ZNF407: variants seen among roughly 807,000 people sequenced by gnomAD.
ZNF407 encodes the protein zinc finger protein 407.
In ZNF407, 17 loss-of-function variants were observed where a neutral mutation model predicts 131.2. The ratio of observed to expected loss-of-function variants is 0.13; its 90% CI spans 0.09 to 0.19. The LOEUF (loss-of-function observed/expected upper bound fraction) is 0.19. Ranked by LOEUF, ZNF407 falls within the 10% of genes least tolerant of loss-of-function variation. The probability of loss-of-function intolerance (pLI) is 1.00; values close to 1 mark genes in which losing one functional copy is unlikely to be tolerated. For synonymous variants in ZNF407, 1,156 were observed against 1,062.0 expected (o/e 1.09, Z -1.72); for missense variants, 2,681 against 2,830.6 (o/e 0.95, Z 1.20).
chr18:74,948,260 A>G (rs554517587), intron 8 of ZNF407, among the ~76,000 whole-genome samples: 4 of 152,096 alleles, frequency 2.6e-5, no homozygotes, highest in Non-Finnish European at 5.9e-5. Context: ...TTTTCACTTT[A>G]TGTGCCATGG....
In ZNF407 at chr18:74,755,771, T is replaced by TTCTTTCTC. The variant is rs1265035731; in HGVS notation, c.4803-25654_4803-25653insTTCTCTCT. Among the ~76,000 whole-genome samples the TTCTTTCTC allele has an allele frequency of 7.0e-4, 91 of 130,572 alleles. 1 individual carries two copies. Among genetic ancestry groups the TTCTTTCTC allele is most frequent in the African/African-American group, 2.7e-3 (80 of 30,102 alleles). 85.7% of individuals were successfully genotyped at this position (130,572 alleles called of 152,430 possible). A position where few individuals can be genotyped will look rare whatever the true frequency, so the allele number is the denominator to read the frequency against. The stretch of plus-strand genomic sequence containing the variant: ...TTTCTTTCTTTCTTTCTTTCTTTCT[T>TTCTTTCTC]TCTCTCTCTCTCTTTCCTTCCTTCT... On this transcript the variant is annotated intron_variant, in intron 3 of 8. Coordinates refer to ENST00000299687, the MANE Select transcript of ZNF407 (RefSeq NM_017757.3).
chr18:75,046,594 G>A (rs556004005), intron 8 of ZNF407, among the ~76,000 whole-genome samples: 66 of 152,152 alleles, frequency 4.3e-4, no homozygotes, highest in Non-Finnish European at 7.1e-4. Flanking sequence ...CAGCTGAATC[G>A]TGACCACCCG....
intron 3 of ZNF407, among the ~76,000 whole-genome samples, chr18:74,689,629 A>G (rs1265083904): frequency 6.6e-6 from 1 of 152,234 alleles, no homozygotes; most frequent in African/African-American, 2.4e-5. Context: ...CAGTGTTGCC[A>G]TTTAATCAAA....
intron 3 of ZNF407, among the ~76,000 whole-genome samples, chr18:74,728,248 A>T (rs1306066782): frequency 6.6e-6 from 1 of 152,224 alleles, no homozygotes; most frequent in African/African-American, 2.4e-5. Context: ...GAAGTCACAG[A>T]TAAACAAATT....
rs1418255817 is a variant in ZNF407, at chr18:74,634,098, C to G, written c.3079C>G (p.His1027Asp). ...NKCLHCEFSAHSSASLELHVK... is the reference protein window; with the variant it reads ...NKCLHCEFSADSSASLELHVK... ...GTGTTTGCACTGTGAGTTTAGTGCT[C>G]ACTCCTCTGCTTCTCTAGAGCTGCA... The change falls in exon 2 of 9, where the codon CAC becomes GAC. Residue 1027 changes from histidine to aspartate, a missense_variant. Physicochemically the swap from His to Asp is moderately conservative, Grantham distance 81. Transcript: ENST00000299687. The G allele has an allele frequency of 6.2e-7, 1 of 1,613,908 alleles. No individual in the cohort carries two copies. Among genetic ancestry groups the G allele is most frequent in the African/African-American group, 1.3e-5 (1 of 74,930 alleles).
chr18:74,721,036 C>T (rs372451694), intron 3 of ZNF407, among the ~76,000 whole-genome samples: 10 of 148,020 alleles, frequency 6.8e-5, no homozygotes, highest in South Asian at 2.2e-4. Context: ...TGAAGAATGT[C>T]GTTGGTATTT....
At chr18:74,689,566 A>C (rs1967173498) in intron 3 of ZNF407, among the ~76,000 whole-genome samples, 1 of 152,194 alleles carries the variant, frequency 6.6e-6, no homozygotes, top group South Asian at 2.1e-4. Flanking sequence ...TATACTCACC[A>C]TTTTATGTTT....
At chr18:75,058,195 T>C (rs1973583536) in intron 8 of ZNF407, among the ~76,000 whole-genome samples, 1 of 152,102 alleles carries the variant, frequency 6.6e-6, no homozygotes, top group Admixed American at 6.6e-5. Context: ...GATGTTGGCT[T>C]CAAGCACGCA....
At chr18:74,972,174 A>G (rs1157116438) in intron 8 of ZNF407, among the ~76,000 whole-genome samples, 1 of 152,166 alleles carries the variant, frequency 6.6e-6, no homozygotes, top group East Asian at 1.9e-4. Flanking sequence ...CAGACAAACC[A>G]TATCACCTCC....
rs75793639 is a variant in ZNF407 at position 74,750,109 on chromosome 18, A to C, written c.4803-31319A>C. Among the ~76,000 whole-genome samples the C allele has an allele frequency of 2.1e-3, 314 of 152,192 alleles. 1 individual carries two copies. Among genetic ancestry groups the C allele is most frequent in the African/African-American group, 7.2e-3 (299 of 41,538 alleles). ...CTCAGACTGGTTTACATTTTCTCACACTTTTCTTCTCTTCCAGGAATATCA... is the reference window on the plus strand; with the variant it reads ...CTCAGACTGGTTTACATTTTCTCACCCTTTTCTTCTCTTCCAGGAATATCA... On this transcript the variant is annotated intron_variant, in intron 3 of 8. Coordinates refer to ENST00000299687, the MANE Select transcript of ZNF407 (RefSeq NM_017757.3).
At chr18:74,645,451 A>G (rs373040993) in intron 3 of ZNF407, among the ~76,000 whole-genome samples, 44 of 152,142 alleles carry the variant, frequency 2.9e-4, no homozygotes, top group African/African-American at 1.0e-3. Context: ...TTGTGTATGG[A>G]GTTAAATAGT....
chr18:74,625,544 A>G (rs1983750935), intron 1 of ZNF407, among the ~76,000 whole-genome samples: 1 of 152,210 alleles, frequency 6.6e-6, no homozygotes, highest in Non-Finnish European at 1.5e-5. Context: ...GTTTTAGACT[A>G]AGCATTAAAA....
At chr18:74,661,106 A>G (rs1333219814) in intron 3 of ZNF407, among the ~76,000 whole-genome samples, 2 of 152,192 alleles carry the variant, frequency 1.3e-5, no homozygotes, top group Non-Finnish European at 2.9e-5. Context: ...ACTGATCACA[A>G]GAAGAATTGT....
intron 4 of ZNF407, among the ~76,000 whole-genome samples, chr18:74,831,449 C>T (rs1474754018): frequency 6.6e-6 from 1 of 152,104 alleles, no homozygotes; most frequent in Non-Finnish European, 1.5e-5. Context: ...TTGCATCTAC[C>T]ATTCTGCTTT....
At chr18:74,622,496 G>A (rs72963749) in intron 1 of ZNF407, among the ~76,000 whole-genome samples, 4 of 151,918 alleles carry the variant, frequency 2.6e-5, no homozygotes, top group African/African-American at 9.7e-5. Context: ...TTCTGGATTC[G>A]TCCTTTTTTT....
chr18:74,712,515 C>T (rs542517886), intron 3 of ZNF407, among the ~76,000 whole-genome samples: 221 of 152,318 alleles, frequency 1.5e-3, no homozygotes, highest in Admixed American at 2.5e-3. Flanking sequence ...TCCAAGTGGT[C>T]ACATCTCCCA....
intron 4 of ZNF407, among the ~76,000 whole-genome samples, chr18:74,787,388 C>T (rs1431541257): frequency 6.6e-6 from 1 of 152,114 alleles, no homozygotes; most frequent in East Asian, 1.9e-4. Context: ...GTTGCTTCGT[C>T]AGCAATGTGT....
At position 74,633,678 on chromosome 18, in the gene ZNF407, T is replaced by C; in HGVS notation, c.2659T>C (p.Tyr887His). 1 of 1,614,000 alleles carries C rather than the reference T, an allele frequency of 6.2e-7. No individual in the cohort carries two copies. Among genetic ancestry groups the C allele is most frequent in the Non-Finnish European group, 8.5e-7 (1 of 1,179,890 alleles). ...TTATTTATGCAAAGTGTGTAAGTATTACACTGTAACTAAGGGAGATATGGA... is the reference window on the plus strand; with the variant it reads ...TTATTTATGCAAAGTGTGTAAGTATCACACTGTAACTAAGGGAGATATGGA... ...YSYLCKVCKY[Y>H]TVTKGDMERH... Residue 887 changes from tyrosine (Y) to histidine (H), a missense_variant, in exon 2 of 9, where the codon TAC becomes CAC. Physicochemically the swap from Tyr to His is moderately conservative, Grantham distance 83 (BLOSUM62 2). This residue lies in a region of ZNF407 where 1,789 missense variants were observed against 1,748.7 expected (regional missense o/e 1.02). Transcript: ENST00000299687.
chr18:74,777,768 G>A (rs1435705931), intron 3 of ZNF407, among the ~76,000 whole-genome samples: 4 of 151,472 alleles, frequency 2.6e-5, no homozygotes, highest in African/African-American at 9.7e-5. Flanking sequence ...TCAAAACAGA[G>A]CAGACAGGAG....
Sources: allele counts gnomAD v4.1 joint callset (sites outside exome capture counted in the v4.1 genomes callset), GRCh38; gene constraint gnomAD v4.1.1; regional missense constraint gnomAD v4.1.1; transcripts MANE v1.5; gene names NCBI Gene and HGNC (gene_info 2026-07-23, HGNC 2026-07-21).